DNAH17: variants seen among roughly 807,000 people sequenced by gnomAD.
DNAH17 encodes dynein axonemal heavy chain 17, also known as axonemal beta dynein heavy chain 17.
A neutral mutation model predicts 485.6 loss-of-function variants in DNAH17; 376 were observed. The ratio of observed to expected loss-of-function variants is 0.77; its 90% CI spans 0.71 to 0.84. DNAH17 has a LOEUF of 0.84. DNAH17 is among the 40% of genes least tolerant of loss of function. DNAH17 has a pLI of 0.00. For missense variants in DNAH17, 6,370 were observed against 5,839.3 expected, an observed-to-expected ratio of 1.09 and a Z score of -2.96; for synonymous variants, 3,031 against 2,405.9, an observed-to-expected ratio of 1.26 and a Z score of -7.60.
At position 78,574,916 on chromosome 17, in the gene DNAH17, C is replaced by T. The variant is rs2092412513; in HGVS notation, c.142G>A (p.Asp48Asn). Residue 48 changes from aspartate (D) to asparagine (N), a missense_variant, in exon 2 of 81, where the codon GAC (aspartate) becomes AAC (asparagine). By Grantham distance (23) the Asp-to-Asn change is conservative (BLOSUM62 1). Transcript: ENST00000389840. ...ALFTEFFEKP[D>N]VQVLVLTLNA... ...AGCGTCAGCACCAGCACCTGGACGT[C>T]GGGCTTTTCAAAGAACTCTGTGAAC... 8 of 1,613,906 alleles carry T rather than the reference C, an allele frequency of 5.0e-6. No individual in the cohort carries two copies. Among genetic ancestry groups the T allele is most frequent in the Middle Eastern group, 1.6e-4 (1 of 6,084 alleles).
intron 70 of DNAH17, among the ~76,000 whole-genome samples, chr17:78,445,218 G>GGGGGAGGA: frequency 6.8e-6 from 1 of 148,136 alleles, no homozygotes; most frequent in East Asian, 2.0e-4. Context: ...GGGGAGGCTG[G>GGGGGAGGA]GGGGAGGAGG....
At position 78,537,313 on chromosome 17, in the gene DNAH17, T is replaced by C; in HGVS notation, c.2845A>G (p.Arg949Gly). 6.4e-7 allele frequency: 1 copy of C among 1,568,778 alleles called. No homozygotes were observed. Among genetic ancestry groups the C allele is most frequent in the Non-Finnish European group, 8.6e-7 (1 of 1,157,004 alleles). Residue 949 changes from arginine (R) to glycine (G), a missense_variant, in exon 19 of 81, where the codon AGG becomes GGG. Transcript: ENST00000389840. ...CCAGGACTGACCTTGTAGTTCATCC[T>C]GTCCTTGGCCAGCCGAGGGATGAGC... ...ARLIPRLAKDRMNYKMDLEDN... is the reference protein window; with the variant it reads ...ARLIPRLAKDGMNYKMDLEDN...
rs1435785865 is a variant in DNAH17, at chr17:78,453,375, A to G, written c.10497T>C (p.Pro3499=). The G allele has an allele frequency of 6.2e-7, 1 of 1,613,628 alleles. No individual in the cohort carries two copies. Among genetic ancestry groups the G allele is most frequent in the Non-Finnish European group, 8.5e-7 (1 of 1,179,802 alleles). The part of the protein sequence containing the change: ...IGETVDPVLD[P]LLGRNTIKKG... ...TTTTAATCGTGTTCCTGCCCAGTAG[A>G]GGGTCCAGCACGGGGTCCACGGTTT... The change falls in exon 65 of 81, where the codon CCT becomes CCC. Residue 3499 remains proline (P), a synonymous_variant. Transcript: ENST00000389840.
Position 78,525,099 on chromosome 17 carries a change from CA to C in DNAH17, c.3773del (p.Leu1258ArgfsTer22). 1 of 1,613,848 alleles carries C rather than the reference CA, an allele frequency of 6.2e-7. No individual in the cohort carries two copies. Among genetic ancestry groups the C allele is most frequent in the Non-Finnish European group, 8.5e-7 (1 of 1,179,886 alleles). On this transcript the variant is annotated frameshift_variant, in exon 25 of 81. Coordinates refer to ENST00000389840, the MANE Select transcript of DNAH17 (RefSeq NM_173628.4). LOFTEE classifies it high-confidence loss of function. ...IMEALSKSGGLFEVPVPDYKQ... is the reference protein window; with the variant it reads ...IMEALSKSGGXFEVPVPDYKQ... Reference sequence around the variant, plus strand: ...TGTAGTCTGGGACGGGGACCTCGAACAGGCCCCCGGACTTGGACAGCGCCTC... The same window carrying C: ...TGTAGTCTGGGACGGGGACCTCGAACGGCCCCCGGACTTGGACAGCGCCTC...
chr17:78,510,641 C>T, intron 26 of DNAH17, 135 bp from the exon 27 acceptor site: 1 of 1,198,140 alleles, frequency 8.3e-7, no homozygotes, highest in Admixed American at 2.1e-5. Context: ...GCGAGCTCTG[C>T]TCTGCCATTT....
At chr17:78,434,308 G>C in intron 74 of DNAH17, 88 bp from the exon 75 acceptor site, 3 of 1,339,116 alleles carry the variant, frequency 2.2e-6, no homozygotes, top group Non-Finnish European at 2.0e-6. Flanking sequence ...TCCAGCCCTT[G>C]CCAGATGCTT....
intron 69 of DNAH17, among the ~76,000 whole-genome samples, chr17:78,446,958 A>T (rs2087333721): frequency 6.6e-6 from 1 of 151,344 alleles, no homozygotes; most frequent in Non-Finnish European, 1.5e-5. Context: ...TGTCTTTGAG[A>T]GACAGGGTGT....
intron 5 of DNAH17, 27 bp downstream of exon 5, chr17:78,571,252 G>A (rs370589325): frequency 6.3e-7 from 1 of 1,592,730 alleles, no homozygotes; most frequent in Non-Finnish European, 8.6e-7. Context: ...GCTTCGTGCA[G>A]AACTCATGAC....
intron 69 of DNAH17, among the ~76,000 whole-genome samples, chr17:78,446,983 G>A (rs1435128300): frequency 6.6e-6 from 1 of 151,896 alleles, no homozygotes; most frequent in African/African-American, 2.4e-5. Flanking sequence ...CTGTTGCCCC[G>A]GCTGGAGTGT....
Position 78,475,353 on chromosome 17 carries a change from G to A in DNAH17, c.8436C>T (p.Arg2812=). The change falls in exon 54 of 81, where the codon CGC becomes CGT. Residue 2812 remains arginine (R), a synonymous_variant. Coordinates refer to ENST00000389840, the MANE Select transcript of DNAH17 (RefSeq NM_173628.4). Reference sequence around the variant, plus strand: ...CAAGCCCGCTGATGTACGCTGCCAGGCGGGAGAGGCTCTGTTTGCCACTGC... The same window carrying A: ...CAAGCCCGCTGATGTACGCTGCCAGACGGGAGAGGCTCTGTTTGCCACTGC... ...VGGSGKQSLS[R]LAAYISGLDV... is the part of the protein sequence containing the mutation. 1 of 1,613,988 alleles carries A rather than the reference G, an allele frequency of 6.2e-7. No individual in the cohort carries two copies. Among genetic ancestry groups the A allele is most frequent in the Non-Finnish European group, 8.5e-7 (1 of 1,179,896 alleles).
intron 69 of DNAH17, among the ~76,000 whole-genome samples, chr17:78,446,774 G>C (rs910995262): frequency 6.6e-6 from 1 of 151,972 alleles, no homozygotes; most frequent in African/African-American, 2.4e-5. Flanking sequence ...CTCCCAAGTA[G>C]CTGGAATTAC....
Position 78,485,679 on chromosome 17 carries a change from T to C in DNAH17, c.7354A>G (p.Met2452Val). The C allele has an allele frequency of 1.9e-6, 3 of 1,613,934 alleles. No homozygotes were observed. Among genetic ancestry groups the C allele is most frequent in the South Asian group, 1.1e-5 (1 of 91,084 alleles). ...CCCGTCCCCGCGTTCCCCACCAGCA[T>C]CACCGGCCAGGACTTCTCCATGAGC... ...DLLMEKSWPVMLVGNAGTGKS... is the reference protein window; with the variant it reads ...DLLMEKSWPVVLVGNAGTGKS... Residue 2452 changes from methionine to valine, a missense_variant, in exon 47 of 81, where the codon ATG becomes GTG. Transcript: ENST00000389840.
intron 25 of DNAH17, among the ~76,000 whole-genome samples, chr17:78,518,894 C>A (rs923010181): frequency 6.6e-6 from 1 of 151,972 alleles, no homozygotes; most frequent in African/African-American, 2.4e-5. Context: ...ACAGGCCAGG[C>A]GTGGTGGCTC....
chr17:78,547,094 C>T lies in DNAH17; in HGVS notation c.2392-3097G>A, dbSNP rs557798503. The stretch of plus-strand genomic sequence containing the variant: ...TATTGCTTTTGACTTTGGAATGTAA[C>T]CTTTTACAACCGTATTTATCTCTTT... On this transcript the variant is annotated intron_variant, in intron 16 of 80. Coordinates refer to ENST00000389840, the MANE Select transcript of DNAH17 (RefSeq NM_173628.4). Among the ~76,000 whole-genome samples the T allele has an allele frequency of 2.6e-5, 4 of 152,228 alleles. No homozygotes were observed. The East Asian group carries it at 7.7e-4, about 29-fold the overall frequency.
At position 78,459,956 on chromosome 17, in the gene DNAH17, C is replaced by T; in HGVS notation, c.9481G>A (p.Val3161Met). Reference sequence around the variant, plus strand: ...ATGACGGCGGCGGTGACGTTGACCACAGCATCCGGCGGGGACCCAAAGGAC... The same window carrying T: ...ATGACGGCGGCGGTGACGTTGACCATAGCATCCGGCGGGGACCCAAAGGAC... ...LKSFGSPPDA[V>M]VNVTAAVMIL... is the part of the protein sequence containing the mutation. The change falls in exon 60 of 81, where the codon GTG becomes ATG. Residue 3161 changes from valine to methionine, a missense_variant. Val to Met is a conservative substitution (Grantham distance 21). Transcript: ENST00000389840. The T allele has an allele frequency of 6.2e-7, 1 of 1,613,540 alleles. No individual in the cohort carries two copies. The highest frequency in any genetic ancestry group is 8.5e-7 in the Non-Finnish European group (1 of 1,179,894).
chr17:78,449,021 A>G (rs1568065193), intron 69 of DNAH17, among the ~76,000 whole-genome samples: 2 of 152,256 alleles, frequency 1.3e-5, no homozygotes, highest in South Asian at 4.1e-4. Context: ...AGGGCTGTAT[A>G]AACAGGAGGA....
At chr17:78,574,679 T>G (rs771703398) in intron 2 of DNAH17, 34 bp downstream of exon 2, 13 of 1,555,088 alleles carry the variant, frequency 8.4e-6, no homozygotes, top group Non-Finnish European at 1.1e-5. Flanking sequence ...TCGGTCGTGC[T>G]CGACACCCCG....
chr17:78,485,842 C>G, intron 46 of DNAH17, 85 bp from the exon 47 acceptor site: 2 of 1,576,398 alleles, frequency 1.3e-6, no homozygotes, highest in Middle Eastern at 1.7e-4. Context: ...TTCTACCGAA[C>G]AGGTCCTAAT....
chr17:78,494,346 C>T (rs940412566), intron 40 of DNAH17, 173 bp from the exon 41 acceptor site: 1 of 1,112,550 alleles, frequency 9.0e-7, no homozygotes, highest in Non-Finnish European at 1.2e-6. Context: ...CATAGCTCCA[C>T]CGCGACCTCA....
Sources: allele counts gnomAD v4.1 joint callset (sites outside exome capture counted in the v4.1 genomes callset), GRCh38; gene constraint gnomAD v4.1.1; transcripts MANE v1.5; gene names NCBI Gene and HGNC (gene_info 2026-07-23, HGNC 2026-07-21).